The following ITGA4 variants were observed in gnomAD, a reference collection of about 807,000 sequenced individuals.
ITGA4 encodes integrin subunit alpha 4.
ITGA4 carries 63 observed loss-of-function variants against 133.6 expected under a neutral mutation model. The ratio of observed to expected loss-of-function variants is 0.47; its 90% CI spans 0.38 to 0.58. The LOEUF (loss-of-function observed/expected upper bound fraction) is 0.58, where lower values mean the gene tolerates loss of function less well. ITGA4 is among the 20% of genes least tolerant of loss of function. ITGA4 has a pLI of 0.00. For missense variants in ITGA4, 1,076 were observed against 1,252.7 expected, an observed-to-expected ratio of 0.86 and a Z score of 2.13; for synonymous variants, 483 against 438.0, an observed-to-expected ratio of 1.10 and a Z score of -1.28.
intron 15 of ITGA4, among the ~76,000 whole-genome samples, chr2:181,503,592 T>G (rs1246073570): frequency 1.6e-5 from 1 of 60,960 alleles, no homozygotes; most frequent in Non-Finnish European, 3.5e-5. Flanking sequence ...TTTTTTTGCT[T>G]TAAAAAATCC....
chr2:181,481,524 A>G (rs932521690), intron 6 of ITGA4, 74 bp from the exon 7 acceptor site: 11 of 628,022 alleles, frequency 1.8e-5, no homozygotes. Context: ...ATTTAATTTT[A>G]TGATCTATTT....
chr2:181,474,586 C>G (rs1685631871), intron 2 of ITGA4, among the ~76,000 whole-genome samples: 2 of 152,182 alleles, frequency 1.3e-5, no homozygotes, highest in South Asian at 4.1e-4. Context: ...TAAAAGTGCT[C>G]TGATAATATT....
chr2:181,487,356 T>G (rs1200358804), intron 10 of ITGA4, among the ~76,000 whole-genome samples: 1 of 152,082 alleles, frequency 6.6e-6, no homozygotes, highest in Non-Finnish European at 1.5e-5. Context: ...AGAGGGATCA[T>G]GTCATATTTT....
rs538208494 is a variant in ITGA4, at chr2:181,526,821, C to CT, written c.2340-444dup. On this transcript the variant is annotated intron_variant, in intron 21 of 27. Transcript: ENST00000397033. ...TGTCACCCAGGTCAGAGCACATGGCCTTTTTTTTTTTTTTTTTTTTTTTTT... is the reference window on the plus strand; with the variant it reads ...TGTCACCCAGGTCAGAGCACATGGCCTTTTTTTTTTTTTTTTTTTTTTTTTT... 7.3e-3 allele frequency among the ~76,000 whole-genome samples: 300 copies of CT among 40,968 alleles called. 43 individuals carry two copies. Among genetic ancestry groups the CT allele is most frequent in the Non-Finnish European group, 9.6e-3 (176 of 18,312 alleles). 26.9% of individuals were successfully genotyped at this position (40,968 alleles called of 152,430 possible).
chr2:181,484,873 AC>A (rs1685879607), intron 9 of ITGA4, among the ~76,000 whole-genome samples: 2 of 152,236 alleles, frequency 1.3e-5, no homozygotes, highest in Non-Finnish European at 2.9e-5. Flanking sequence ...TGGAAAATTC[AC>A]AAGTGAAGAC....
chr2:181,514,300 T>C (rs1686562894), intron 17 of ITGA4, among the ~76,000 whole-genome samples: 4 of 151,976 alleles, frequency 2.6e-5, no homozygotes, highest in Admixed American at 2.6e-4. Context: ...TAGGAATAAG[T>C]AAAAAGGTTG....
chr2:181,495,568 C>T lies in ITGA4; in HGVS notation c.1385+152C>T. On this transcript the variant is annotated intron_variant, in intron 13 of 27. Transcript: ENST00000397033. The surrounding 1 kb of genome is among the most constrained non-coding windows in gnomAD (Gnocchi z 4.3). ...TTGATTTTTAGGGTATTTTTTTCAC[C>T]TTACAGAGATATAATTAAATCATCA... 1 of 726,184 alleles carries T rather than the reference C, an allele frequency of 1.4e-6. No individual in the cohort carries two copies. The highest frequency in any genetic ancestry group is 2.3e-6 in the Non-Finnish European group (1 of 432,910). 45.0% of individuals were successfully genotyped at this position (726,184 alleles called of 1,614,324 possible).
chr2:181,458,661 G>A (rs1044862657), intron 2 of ITGA4: 6 of 249,180 alleles, frequency 2.4e-5, no homozygotes, highest in African/African-American at 1.1e-4. Flanking sequence ...GCTAAGCCAA[G>A]ACTTGAGAAT....
Position 181,511,686 on chromosome 2 carries a change from T to C in ITGA4, c.1846-13T>C, listed in dbSNP as rs1400204182. 1.1e-5 allele frequency: 16 copies of C among 1,480,730 alleles called. No individual in the cohort carries two copies. The highest frequency in any genetic ancestry group is 2.8e-5 in the African/African-American group (2 of 71,670). 91.7% of individuals were successfully genotyped at this position (1,480,730 alleles called of 1,614,324 possible). ...TTAAATCAAAATAAAAAACGTTGTC[T>C]TTTTATTTCCAGATAAACTTTGCAA... On this transcript the variant is annotated splice_polypyrimidine_tract_variant and intron_variant, in intron 16 of 27. Transcript: ENST00000397033.
rs769697583 is a variant in ITGA4, at chr2:181,482,349, C to T, written c.841-11C>T. The T allele has an allele frequency of 6.3e-7, 1 of 1,588,946 alleles. No homozygotes were observed. Among genetic ancestry groups the T allele is most frequent in the Non-Finnish European group, 8.5e-7 (1 of 1,170,504 alleles). ...TCCTAAAAACTTTTCTAATTCTTTC[C>T]CTAATTACAGGCATATATATTCAGC... On this transcript the variant is annotated splice_polypyrimidine_tract_variant and intron_variant, in intron 7 of 27. Transcript: ENST00000397033.
At chr2:181,499,305 CG>C (rs1361012676) in intron 15 of ITGA4, among the ~76,000 whole-genome samples, 3 of 152,110 alleles carry the variant, frequency 2.0e-5, no homozygotes, top group Admixed American at 2.0e-4. Flanking sequence ...TGGGCCAGGA[CG>C]ATAGCTCTCA....
At chr2:181,468,780 T>TA (rs947394964) in intron 2 of ITGA4, among the ~76,000 whole-genome samples, 11 of 151,966 alleles carry the variant, frequency 7.2e-5, no homozygotes, top group East Asian at 3.9e-4. Context: ...TTTCCCAAAT[T>TA]AAAAAAAATA....
chr2:181,527,934 G>C (rs879451118), intron 22 of ITGA4, among the ~76,000 whole-genome samples: 4 of 152,060 alleles, frequency 2.6e-5, no homozygotes, highest in Non-Finnish European at 5.9e-5. Context: ...GAAGTATTAG[G>C]AGACTGATGT....
At chr2:181,527,585 C>G (rs748873152) in intron 22 of ITGA4, 198 bp downstream of exon 22, 3 of 495,382 alleles carry the variant, frequency 6.1e-6, no homozygotes, top group Non-Finnish European at 7.4e-6. Flanking sequence ...CCCTGATATT[C>G]AAGCCCATAT....
intron 5 of ITGA4, 147 bp from the exon 6 acceptor site, chr2:181,479,990 T>TC: frequency 2.1e-6 from 1 of 469,312 alleles, no homozygotes; most frequent in Non-Finnish European, 3.5e-6. Flanking sequence ...CTTTTTTTTT[T>TC]TCCTAGTATG....
chr2:181,461,453 A>G (rs1685275883), intron 2 of ITGA4, among the ~76,000 whole-genome samples: 1 of 151,724 alleles, frequency 6.6e-6, no homozygotes, highest in Admixed American at 6.6e-5. Flanking sequence ...CGTGAAGACT[A>G]TATCTGAGGA....
Position 181,537,738 on chromosome 2 carries a change from G to GT in ITGA4, c.*2212dup, listed in dbSNP as rs1226025464. On this transcript the variant is annotated 3_prime_UTR_variant, in exon 28 of 28. Coordinates refer to ENST00000397033, the MANE Select transcript of ITGA4 (RefSeq NM_000885.6). ...TTTTTGTGTGTCCAATAAACACATT[G>GT]TAAAAAAAAGAATTTGAATTGATAT... The GT allele has an allele frequency of 1.1e-5, 5 of 440,518 alleles. No individual in the cohort carries two copies. The highest frequency in any genetic ancestry group is 8.1e-5 in the African/African-American group (4 of 49,428). The allele number at this position is 440,518 out of a possible 1,614,324, so 27.3% of individuals were successfully genotyped here.
intron 2 of ITGA4, among the ~76,000 whole-genome samples, chr2:181,469,681 G>GA (rs559634126): frequency 6.6e-6 from 1 of 152,080 alleles, no homozygotes; most frequent in Non-Finnish European, 1.5e-5. Flanking sequence ...GTCCATCAAT[G>GA]TAGACTGGAT....
chr2:181,510,711 C>T (rs1217070539), intron 16 of ITGA4, among the ~76,000 whole-genome samples: 2 of 94,450 alleles, frequency 2.1e-5, no homozygotes, highest in Non-Finnish European at 4.4e-5. Context: ...TTTCTCTACA[C>T]CCTCATATGA....
Sources: allele counts gnomAD v4.1 joint callset (sites outside exome capture counted in the v4.1 genomes callset), GRCh38; gene constraint gnomAD v4.1.1; non-coding constraint Gnocchi (gnomAD v3.1); transcripts MANE v1.5; gene names NCBI Gene and HGNC (gene_info 2026-07-23, HGNC 2026-07-21).